The following DCAF1 variants were observed in gnomAD, a reference collection of about 807,000 sequenced individuals.
The protein encoded by DCAF1 is DDB1- and CUL4-associated factor 1.
Under a neutral mutation model 128.0 loss-of-function variants are expected in DCAF1, and 15 were observed. That is an observed-to-expected ratio of 0.12 (90% CI 0.08 to 0.18). The LOEUF is 0.18. DCAF1 is among the 10% of genes least tolerant of loss of function. The pLI, the probability that DCAF1 is intolerant of heterozygous loss-of-function variation, is 1.00. For missense variants in DCAF1, 988 were observed against 1,649.5 expected (o/e 0.60, Z 6.95); for synonymous variants, 610 against 603.0 (o/e 1.01, Z -0.17).
In DCAF1 at chr3:51,413,978, G is replaced by A. The variant is rs991146607; in HGVS notation, c.3903C>T (p.Phe1301=). 1 of 1,597,552 alleles carries A rather than the reference G, an allele frequency of 6.3e-7. No individual in the cohort carries two copies. The highest frequency in any genetic ancestry group is 8.5e-7 in the Non-Finnish European group (1 of 1,172,426). The change falls in exon 20 of 25, where the codon TTC becomes TTT. Residue 1301 remains phenylalanine, a synonymous_variant. Transcript: ENST00000684031. ...VPALDQCRVV[F]NHTGTVMYGA... ...CATACATCACTGTTCCCGTGTGATT[G>A]AACACCACGCGACACTGATCCAGAG... is the stretch of plus-strand genomic sequence containing the variant.
At chr3:51,441,265 G>A in intron 8 of DCAF1, 120 bp downstream of exon 8, 1 of 1,343,940 alleles carries the variant, frequency 7.4e-7, no homozygotes, top group Non-Finnish European at 1.0e-6. Context: ...ACAGTTTCAT[G>A]CAAACCCTTG....
At chr3:51,496,867 T>C (rs1708284027) in intron 1 of DCAF1, among the ~76,000 whole-genome samples, 87 bp from the exon 2 acceptor site, 2 of 152,288 alleles carry the variant, frequency 1.3e-5, no homozygotes, top group East Asian at 1.9e-4. Flanking sequence ...GAAATACTTA[T>C]GTAAAATTTT....
chr3:51,456,275 G>A (rs545427239), intron 6 of DCAF1, among the ~76,000 whole-genome samples: 24 of 152,348 alleles, frequency 1.6e-4, no homozygotes, highest in East Asian at 1.2e-3. Context: ...CACCTGGCTC[G>A]GAGGGTCCTA....
intron 24 of DCAF1, 121 bp downstream of exon 24, chr3:51,403,022 A>G: frequency 4.2e-6 from 6 of 1,445,024 alleles, no homozygotes; most frequent in Non-Finnish European, 5.5e-6. Flanking sequence ...AGACCAGAGT[A>G]GTGAATCAAA....
At chr3:51,485,405 T>C (rs1706813070) in intron 2 of DCAF1, among the ~76,000 whole-genome samples, 1 of 152,194 alleles carries the variant, frequency 6.6e-6, no homozygotes, top group African/African-American at 2.4e-5. Context: ...AAACTAGGAA[T>C]GCAGAAGGGC....
At chr3:51,432,465 T>C (rs1466086446) in intron 10 of DCAF1, among the ~76,000 whole-genome samples, 429 of 142,148 alleles carry the variant, frequency 3.0e-3, no homozygotes, top group Middle Eastern at 7.2e-3. Context: ...CTGTTGTGTG[T>C]TTTTTTTTTT....
At chr3:51,424,268 T>G (rs921606694) in intron 13 of DCAF1, among the ~76,000 whole-genome samples, 3 of 151,766 alleles carry the variant, frequency 2.0e-5, no homozygotes, top group African/African-American at 7.3e-5. Context: ...GGCATGGTAG[T>G]GGGCGCCTGT....
rs1553638650 is a variant in DCAF1, at chr3:51,441,404, G to A, written c.1007C>T (p.Pro336Leu). The part of the protein sequence containing the change: ...EQRLILQYLT[P>L]LGEYQELLPI... ...GCTTACCTCCTGATATTCTCCTAGAGGGGTCAAATATTGGAGAATGAGTCG... is the reference window on the plus strand; with the variant it reads ...GCTTACCTCCTGATATTCTCCTAGAAGGGTCAAATATTGGAGAATGAGTCG... The change falls in exon 8 of 25, where the codon CCT becomes CTT. Residue 336 changes from proline (P) to leucine (L), a missense_variant. Pro to Leu is a moderately conservative substitution (Grantham distance 98, BLOSUM62 -3). Coordinates refer to ENST00000684031, the MANE Select transcript of DCAF1 (RefSeq NM_001387579.1). The A allele has an allele frequency of 6.2e-7, 1 of 1,613,380 alleles. No homozygotes were observed. The highest frequency in any genetic ancestry group is 1.7e-5 in the Admixed American group (1 of 59,916).
At chr3:51,454,308 C>T (rs374600873) in intron 6 of DCAF1, among the ~76,000 whole-genome samples, 2 of 152,288 alleles carry the variant, frequency 1.3e-5, no homozygotes, top group South Asian at 4.2e-4. Context: ...CTTAGCCTCA[C>T]AAACTCCTGG....
intron 13 of DCAF1, among the ~76,000 whole-genome samples, chr3:51,422,791 C>T (rs560390409): frequency 6.6e-6 from 1 of 152,152 alleles, no homozygotes; most frequent in Non-Finnish European, 1.5e-5. Context: ...AGGCCAGGCA[C>T]GGTGGCTCAA....
At chr3:51,432,478 A>T (rs1183351051) in intron 10 of DCAF1, among the ~76,000 whole-genome samples, 1 of 149,736 alleles carries the variant, frequency 6.7e-6, no homozygotes, top group Non-Finnish European at 1.5e-5. Flanking sequence ...TTTTTTTTTT[A>T]AACGGAGTCT....
Position 51,420,463 on chromosome 3 carries a change from T to C in DCAF1, c.2507A>G (p.Asp836Gly), listed in dbSNP as rs782200796. The C allele has an allele frequency of 4.3e-6, 7 of 1,614,002 alleles. No homozygotes were observed. In the Admixed American group the frequency reaches 1.0e-4, roughly 23 times the overall value. The part of the protein sequence containing the change: ...DVSLARLQKA[D>G]VVAQSRISFP... ...GGAGATCCTTGACTGGGCAACAACA[T>C]CTGCTTTCTGCAGTCGTGCTAGGGA... Residue 836 changes from aspartate (D) to glycine (G), a missense_variant, in exon 15 of 25, where the codon GAT (aspartate) becomes GGT (glycine). This residue lies in a region of DCAF1 where 76 missense variants were observed against 186.9 expected (regional missense o/e 0.41). Coordinates refer to ENST00000684031, the MANE Select transcript of DCAF1 (RefSeq NM_001387579.1). This position sits in a 1 kb window ranked among gnomAD's most constrained non-coding sequence, Gnocchi z 6.5.
At chr3:51,500,628 TC>T (rs1266073126), upstream of DCAF1, among the ~76,000 whole-genome samples, 1 of 151,956 alleles carries the variant, frequency 6.6e-6, no homozygotes, top group Non-Finnish European at 1.5e-5. Flanking sequence ...GACCTCCGCC[TC>T]CCGGGCTCAA....
intron 3 of DCAF1, among the ~76,000 whole-genome samples, chr3:51,482,824 T>C (rs1382317803): frequency 1.3e-5 from 2 of 150,804 alleles, no homozygotes; most frequent in African/African-American, 4.9e-5. Flanking sequence ...AGTCTAATTT[T>C]TTTTATTTTT....
chr3:51,483,011 C>T (rs529548707), intron 3 of DCAF1, among the ~76,000 whole-genome samples: 2 of 149,052 alleles, frequency 1.3e-5, no homozygotes, highest in South Asian at 2.1e-4. Flanking sequence ...TGGTGACAAA[C>T]GCCTGTAATC....
At chr3:51,439,862 A>C (rs111816276) in intron 9 of DCAF1, among the ~76,000 whole-genome samples, 1 of 151,542 alleles carries the variant, frequency 6.6e-6, no homozygotes, top group African/African-American at 2.4e-5. Flanking sequence ...GCATGGTGGC[A>C]GGCACCTGTA....
intron 9 of DCAF1, among the ~76,000 whole-genome samples, chr3:51,438,393 T>C (rs1211560685): frequency 2.6e-5 from 4 of 152,150 alleles, no homozygotes; most frequent in Non-Finnish European, 4.4e-5. Flanking sequence ...TAAAACGGCA[T>C]AGGTATCTCA....
At chr3:51,461,808 A>G (rs1703614067) in intron 6 of DCAF1, among the ~76,000 whole-genome samples, 2 of 152,134 alleles carry the variant, frequency 1.3e-5, no homozygotes, top group Admixed American at 1.3e-4. Flanking sequence ...AAACTATCGC[A>G]AGGACAAAAA....
At chr3:51,475,673 AAC>A (rs1705350146) in intron 3 of DCAF1, among the ~76,000 whole-genome samples, 1 of 152,206 alleles carries the variant, frequency 6.6e-6, no homozygotes, top group Non-Finnish European at 1.5e-5. Flanking sequence ...CATCCTGGCT[AAC>A]ACGGCGAAAG....
Sources: gnomAD v4.1 joint callset for allele counts (sites outside exome capture counted in the v4.1 genomes callset) on GRCh38, gnomAD v4.1.1 for gene constraint, gnomAD v4.1.1 regional missense constraint, Gnocchi (gnomAD v3.1) non-coding constraint, MANE v1.5 for transcripts, NCBI Gene and HGNC (gene_info 2026-07-23, HGNC 2026-07-21) for gene names.